Variants in SPMIP2 observed in about 807,000 individuals in gnomAD.
The protein encoded by SPMIP2 is protein SPMIP2.
the SPMIP2 span, among the ~76,000 whole-genome samples, chr4:159,019,669 G>C: frequency 6.6e-6 from 1 of 152,154 alleles, no homozygotes; most frequent in Non-Finnish European, 1.5e-5. Flanking sequence ...TCAGTGTCCT[G>C]GGAATCCCTT....
At chr4:159,019,404 T>C in the SPMIP2 span, among the ~76,000 whole-genome samples, 1 of 151,524 alleles carries the variant, frequency 6.6e-6, no homozygotes, top group African/African-American at 2.4e-5. Flanking sequence ...ATCTACTTGG[T>C]GATATCTGTG....
the SPMIP2 span, among the ~76,000 whole-genome samples, chr4:158,972,578 T>C: frequency 6.6e-6 from 1 of 152,198 alleles, no homozygotes; most frequent in South Asian, 2.1e-4. Context: ...TGCCTATGTC[T>C]ACATCACCAA....
chr4:158,931,411 G>A, the SPMIP2 span, among the ~76,000 whole-genome samples: 1 of 152,102 alleles, frequency 6.6e-6, no homozygotes, highest in Admixed American at 6.6e-5. Flanking sequence ...ACTATGCCCA[G>A]CTAATTTTTG....
chr4:158,990,728 C>T, the SPMIP2 span, among the ~76,000 whole-genome samples: 1 of 152,020 alleles, frequency 6.6e-6, no homozygotes, highest in South Asian at 2.1e-4. Context: ...CACATTGGGT[C>T]CCATTGAGGG....
the SPMIP2 span, among the ~76,000 whole-genome samples, chr4:158,999,005 T>A: frequency 4.4e-3 from 670 of 151,790 alleles, 3 homozygotes; most frequent in East Asian, 0.017. Context: ...ACAAAAAAAA[T>A]TTTTTTTAAT....
At chr4:159,061,168 A>G in the SPMIP2 span, among the ~76,000 whole-genome samples, 1 of 151,158 alleles carries the variant, frequency 6.6e-6, no homozygotes, top group Non-Finnish European at 1.5e-5. Context: ...ATTGGAGGGA[A>G]AGGAATATAG....
the SPMIP2 span, among the ~76,000 whole-genome samples, chr4:159,052,968 T>A: frequency 3.0e-4 from 43 of 144,690 alleles, no homozygotes; most frequent in African/African-American, 8.9e-4. Flanking sequence ...TTTTTTTTTT[T>A]TTTTTTGAGA....
the SPMIP2 span, among the ~76,000 whole-genome samples, chr4:158,949,651 C>G: frequency 6.6e-6 from 1 of 152,152 alleles, no homozygotes; most frequent in African/African-American, 2.4e-5. Flanking sequence ...GTTAGGCTTC[C>G]TTCCAGCAAA....
the SPMIP2 span, among the ~76,000 whole-genome samples, chr4:159,072,070 T>A: frequency 1.3e-5 from 2 of 152,232 alleles, no homozygotes; most frequent in African/African-American, 4.8e-5. Flanking sequence ...CCCAGCACTT[T>A]GGTAGGCCAA....
At chr4:158,919,749 T>C in the SPMIP2 span, among the ~76,000 whole-genome samples, 4 of 152,340 alleles carry the variant, frequency 2.6e-5, no homozygotes, top group East Asian at 7.7e-4. Context: ...TAAGTAATAA[T>C]CCATCACCAA....
At chr4:158,957,637 G>A in the SPMIP2 span, among the ~76,000 whole-genome samples, 5 of 152,130 alleles carry the variant, frequency 3.3e-5, no homozygotes, top group African/African-American at 9.7e-5. Flanking sequence ...ATGTTGCCAG[G>A]CTGGTCTTGA....
chr4:159,061,018 A>G, the SPMIP2 span, among the ~76,000 whole-genome samples: 4 of 151,534 alleles, frequency 2.6e-5, no homozygotes, highest in Non-Finnish European at 5.9e-5. Context: ...TCAGGAGGTC[A>G]AGGCTGCAGT....
chr4:159,000,878 A>G, the SPMIP2 span, among the ~76,000 whole-genome samples: 3 of 152,250 alleles, frequency 2.0e-5, no homozygotes, highest in African/African-American at 7.2e-5. Context: ...GCTGAGTAAT[A>G]TTCTATTGTA....
chr4:158,982,862 C>T, the SPMIP2 span, among the ~76,000 whole-genome samples: 7 of 151,996 alleles, frequency 4.6e-5, no homozygotes, highest in Admixed American at 1.3e-4. Context: ...CAAACTATTC[C>T]GAGCTACAGG....
the SPMIP2 span, among the ~76,000 whole-genome samples, chr4:158,965,197 C>T: frequency 6.6e-6 from 1 of 151,838 alleles, no homozygotes; most frequent in Admixed American, 6.6e-5. Flanking sequence ...CAGTATCCTT[C>T]CAAGGAGATA....
the SPMIP2 span, among the ~76,000 whole-genome samples, chr4:159,081,340 A>C: frequency 1.3e-5 from 2 of 151,700 alleles, no homozygotes; most frequent in East Asian, 3.9e-4. Context: ...TGGCCAGCCG[A>C]TTTTTTTCTT....
the SPMIP2 span, among the ~76,000 whole-genome samples, chr4:158,927,826 A>G: frequency 6.6e-6 from 1 of 151,746 alleles, no homozygotes; most frequent in Non-Finnish European, 1.5e-5. Context: ...GCCCCGGGCA[A>G]TGAGGGGCTT....
At chr4:158,965,435 T>G in the SPMIP2 span, among the ~76,000 whole-genome samples, 27 of 152,320 alleles carry the variant, frequency 1.8e-4, no homozygotes, top group African/African-American at 6.5e-4. Context: ...CAAGTCACTA[T>G]GTGTGCTCAG....
chr4:158,912,273 C>T, the SPMIP2 span, among the ~76,000 whole-genome samples: 2 of 152,164 alleles, frequency 1.3e-5, no homozygotes, highest in Admixed American at 1.3e-4. Flanking sequence ...ACTGTTAAAT[C>T]TCATAAATTG....
Sources: gnomAD v4.1 joint callset for allele counts (sites outside exome capture counted in the v4.1 genomes callset) on GRCh38, gnomAD v4.1.1 for gene constraint, MANE v1.5 for transcripts, NCBI Gene and HGNC (gene_info 2026-07-23, HGNC 2026-07-21) for gene names.